BLNK: variants seen among roughly 807,000 people sequenced by gnomAD.
BLNK encodes the protein B-cell linker protein.
Under a neutral mutation model 73.5 loss-of-function variants are expected in BLNK, and 29 were observed. The observed-to-expected ratio is 0.39, with a 90% CI of 0.29 to 0.54. The LOEUF (loss-of-function observed/expected upper bound fraction) is 0.54. BLNK is among the 20% of genes least tolerant of loss of function. The pLI is 0.61. For synonymous variants in BLNK, 176 were observed against 200.8 expected, an observed-to-expected ratio of 0.88 and a Z score of 1.04; for missense variants, 460 against 562.8, an observed-to-expected ratio of 0.82 and a Z score of 1.85.
At chr10:96,208,392 C>T (rs12772113) in intron 9 of BLNK, among the ~76,000 whole-genome samples, 23,058 of 152,142 alleles carry the variant, frequency 0.15, 2,094 homozygotes, top group Non-Finnish European at 0.2. Context: ...AGCTTCCTCC[C>T]TGTCTCTAGG....
At chr10:96,194,066 T>G (rs1441775071) in intron 16 of BLNK, among the ~76,000 whole-genome samples, 2 of 152,204 alleles carry the variant, frequency 1.3e-5, no homozygotes, top group Non-Finnish European at 2.9e-5. Flanking sequence ...CTATTCATTC[T>G]AAAGTGGAGA....
chr10:96,247,891 A>G (rs1843115932), intron 1 of BLNK, among the ~76,000 whole-genome samples: 2 of 152,194 alleles, frequency 1.3e-5, no homozygotes, highest in African/African-American at 4.8e-5. Flanking sequence ...CTAGAAGGAA[A>G]ATTCTGTAAC....
Position 96,191,366 on chromosome 10 carries a change from T to C in BLNK, c.*607A>G, listed in dbSNP as rs2133906328. On this transcript the variant is annotated 3_prime_UTR_variant, in exon 17 of 17. Transcript: ENST00000224337. Reference sequence around the variant, plus strand: ...TGATAGACATGTAGATCAAAGAGGGTATAATTATCTTTAGTAAGCAAAACT... The same window carrying C: ...TGATAGACATGTAGATCAAAGAGGGCATAATTATCTTTAGTAAGCAAAACT... Among the ~76,000 whole-genome samples the C allele has an allele frequency of 6.6e-6, 1 of 151,168 alleles. No individual in the cohort carries two copies. The highest frequency in any genetic ancestry group is 2.4e-5 in the African/African-American group (1 of 41,134).
At chr10:96,265,749 A>G (rs145482567) in intron 1 of BLNK, among the ~76,000 whole-genome samples, 1 of 152,360 alleles carries the variant, frequency 6.6e-6, no homozygotes, top group East Asian at 1.9e-4. Context: ...ATATTTGCTT[A>G]TTGTTCTGAA....
intron 1 of BLNK, among the ~76,000 whole-genome samples, chr10:96,247,807 T>C (rs1843112876): frequency 6.6e-6 from 1 of 152,222 alleles, no homozygotes; most frequent in African/African-American, 2.4e-5. Context: ...GATCACCTTC[T>C]GCAACCAATC....
At chr10:96,198,448 T>G (rs2083532637) in intron 15 of BLNK, among the ~76,000 whole-genome samples, 1 of 152,234 alleles carries the variant, frequency 6.6e-6, no homozygotes, top group Non-Finnish European at 1.5e-5. Context: ...GATTTGGAAT[T>G]ATCAACTCAG....
At chr10:96,228,526 A>G (rs1229705650) in intron 4 of BLNK, among the ~76,000 whole-genome samples, 2 of 152,148 alleles carry the variant, frequency 1.3e-5, no homozygotes, top group East Asian at 3.9e-4. Context: ...CAAAGCGCTG[A>G]GATTACAGGC....
At chr10:96,193,469 CTTG>C (rs1190106414) in intron 16 of BLNK, among the ~76,000 whole-genome samples, 2 of 152,112 alleles carry the variant, frequency 1.3e-5, no homozygotes, top group African/African-American at 4.8e-5. Flanking sequence ...TGAGTATTGC[CTTG>C]TTGTGGTGTT....
intron 8 of BLNK, among the ~76,000 whole-genome samples, chr10:96,211,746 A>T (rs1554898737): frequency 6.6e-6 from 1 of 152,248 alleles, no homozygotes; most frequent in African/African-American, 2.4e-5. Context: ...TTTACATTTC[A>T]TGTGACAACA....
chr10:96,230,887 G>A, intron 3 of BLNK, 53 bp from the exon 4 acceptor site: 2 of 1,586,284 alleles, frequency 1.3e-6, no homozygotes, highest in East Asian at 4.5e-5. Context: ...CAGCTGGCCA[G>A]CCCCAGCCCA....
intron 9 of BLNK, among the ~76,000 whole-genome samples, chr10:96,209,451 G>T (rs1554898170): frequency 6.6e-6 from 1 of 152,098 alleles, no homozygotes; most frequent in Non-Finnish European, 1.5e-5. Context: ...AGGCTGGAGT[G>T]CAGTGCTGTG....
chr10:96,206,936 T>C (rs770559302), intron 11 of BLNK, 75 bp downstream of exon 11: 1 of 1,444,468 alleles, frequency 6.9e-7, no homozygotes, highest in Non-Finnish European at 9.7e-7. Flanking sequence ...AATAATGTAA[T>C]AAATGTGTAC....
chr10:96,248,083 G>A (rs373071462), intron 1 of BLNK, among the ~76,000 whole-genome samples: 1 of 152,160 alleles, frequency 6.6e-6, no homozygotes, highest in East Asian at 1.9e-4. Flanking sequence ...GTAACAATAT[G>A]TATCAAGACC....
At chr10:96,217,981 C>T (rs1409334579) in intron 6 of BLNK, among the ~76,000 whole-genome samples, 30 of 152,078 alleles carry the variant, frequency 2.0e-4, no homozygotes, top group South Asian at 2.1e-4. Context: ...GTGTATGGTG[C>T]GAGATTAGAA....
Position 96,250,508 on chromosome 10 carries a change from G to T in BLNK, c.48-3459C>A, listed in dbSNP as rs150783268. ...CAAGGAAATTCAATAATTTCATATG[G>T]AGGGCAGAGGGCAGCTCGTTGTAAG... is the stretch of plus-strand genomic sequence containing the variant. On this transcript the variant is annotated intron_variant, in intron 1 of 16. Transcript: ENST00000224337. Among the ~76,000 whole-genome samples, 381 of 152,078 alleles carry T rather than the reference G, an allele frequency of 2.5e-3. 6 individuals are homozygous for T. The highest frequency in any genetic ancestry group is 0.014 in the Middle Eastern group (4 of 294).
intron 5 of BLNK, among the ~76,000 whole-genome samples, chr10:96,225,953 GTTC>G (rs1274684296): frequency 6.6e-6 from 1 of 152,156 alleles, no homozygotes; most frequent in Non-Finnish European, 1.5e-5. Flanking sequence ...CCAAGAGTGT[GTTC>G]TTGAGTGAGC....
intron 1 of BLNK, among the ~76,000 whole-genome samples, chr10:96,251,174 T>C (rs554779829): frequency 6.6e-6 from 1 of 152,358 alleles, no homozygotes; most frequent in African/African-American, 2.4e-5. Context: ...CTGATGTCTA[T>C]AGACTGCTTT....
chr10:96,265,933 T>C (rs1295924089), intron 1 of BLNK, among the ~76,000 whole-genome samples: 1 of 152,180 alleles, frequency 6.6e-6, no homozygotes, highest in South Asian at 2.1e-4. Flanking sequence ...CAACCAAATG[T>C]TCCCTTGGGG....
intron 3 of BLNK, among the ~76,000 whole-genome samples, chr10:96,236,039 T>A (rs1279153499): frequency 6.6e-6 from 1 of 151,606 alleles, no homozygotes; most frequent in Non-Finnish European, 1.5e-5. Flanking sequence ...GGTCTGGGAA[T>A]GGGAAGGGAT....
Sources: allele counts gnomAD v4.1 joint callset (sites outside exome capture counted in the v4.1 genomes callset), GRCh38; gene constraint gnomAD v4.1.1; transcripts MANE v1.5; gene names NCBI Gene and HGNC (gene_info 2026-07-23, HGNC 2026-07-21).